The following BRSK2 variants were observed in gnomAD, a reference collection of about 807,000 sequenced individuals.
BRSK2 encodes the protein BR serine/threonine kinase 2.
Under a neutral mutation model 83.3 loss-of-function variants are expected in BRSK2, and 19 were observed. That is an observed-to-expected ratio of 0.23 (90% CI 0.16 to 0.33). The LOEUF is 0.33. Ranked by LOEUF, BRSK2 falls within the 10% of genes least tolerant of loss-of-function variation. The pLI is 1.00. For synonymous variants in BRSK2, 519 were observed against 435.4 expected, an observed-to-expected ratio of 1.19 and a Z score of -2.39; for missense variants, 798 against 1,042.3, an observed-to-expected ratio of 0.77 and a Z score of 3.23.
At position 1,390,747 on chromosome 11, in the gene BRSK2, C is replaced by G. The variant is rs1306312547; in HGVS notation, c.91+372C>G. Reference sequence around the variant, plus strand: ...GGGAGGAGGGGGCCGCGCGGGCGCCCATCTGCCGTCTGCCGCGGCCGCGCT... The same window carrying G: ...GGGAGGAGGGGGCCGCGCGGGCGCCGATCTGCCGTCTGCCGCGGCCGCGCT... On this transcript the variant is annotated intron_variant, in intron 1 of 19. Transcript: ENST00000528841. This position sits in a 1 kb window ranked among gnomAD's most constrained non-coding sequence, Gnocchi z 6.8. Among the ~76,000 whole-genome samples, 1 of 151,662 alleles carries G rather than the reference C, an allele frequency of 6.6e-6. No homozygotes were observed. The highest frequency in any genetic ancestry group is 2.4e-5 in the African/African-American group (1 of 41,362).
chr11:1,456,521 G>C lies in BRSK2; in HGVS notation c.1842G>C (p.Leu614=). ...GCATCTACTCCGTCACCTTCACCCT[G>C]CTCTCAGGTGAGCTGGCGCCCCCAG... The part of the protein sequence containing the change: ...ENGIYSVTFT[L]LSGPSRRFKR... The change falls in exon 17 of 20, where the codon CTG becomes CTC. Residue 614 remains leucine, a synonymous_variant. Transcript: ENST00000528841. The C allele has an allele frequency of 1.3e-6, 2 of 1,587,292 alleles. No homozygotes were observed. Among genetic ancestry groups the C allele is most frequent in the Non-Finnish European group, 1.7e-6 (2 of 1,166,364 alleles).
rs948897777 is a variant in BRSK2 at position 1,454,879 on chromosome 11, C to T, written c.1668+271C>T. ...GGTCCCCAGCAGCCCTAGGTGTGTG[C>T]CGGACAGGCCTGGGCAGCTGGCACG... On this transcript the variant is annotated intron_variant, in intron 16 of 19. Coordinates refer to ENST00000528841, the MANE Select transcript of BRSK2 (RefSeq NM_001256627.2). This position sits in a 1 kb window ranked among gnomAD's most constrained non-coding sequence, Gnocchi z 5.2. Among the ~76,000 whole-genome samples, 2 of 152,184 alleles carry T rather than the reference C, an allele frequency of 1.3e-5. No homozygotes were observed. The highest frequency in any genetic ancestry group is 2.9e-5 in the Non-Finnish European group (2 of 68,024).
rs745955238 is a variant in BRSK2, at chr11:1,450,839, AGAGGCTGCCTTGGG to A, written c.1495+50_1495+63del. The A allele has an allele frequency of 7.1e-5, 109 of 1,528,026 alleles. 1 individual carries two copies. The South Asian group carries it at 1.3e-3, about 18-fold the overall frequency. The allele number at this position is 1,528,026 out of a possible 1,614,324, so 94.7% of individuals were successfully genotyped here. The stretch of plus-strand genomic sequence containing the variant: ...CGCCAGAGTGGGGCTGGGAGAGAGC[AGAGGCTGCCTTGGG>A]GAGGGCCCCGCCCGGCAGTGCCAGA... On this transcript the variant is annotated intron_variant, in intron 14 of 19. Transcript: ENST00000528841.
At chr11:1,448,547 C>T (rs907982209) in intron 12 of BRSK2, among the ~76,000 whole-genome samples, 6 of 152,014 alleles carry the variant, frequency 3.9e-5, no homozygotes, top group Non-Finnish European at 7.4e-5. Context: ...CCCTCCACCC[C>T]GGGGTTTCCA....
At chr11:1,451,252 G>A (rs1021681633) in intron 14 of BRSK2, 119 bp from the exon 15 acceptor site, 8 of 1,156,786 alleles carry the variant, frequency 6.9e-6, no homozygotes, top group Non-Finnish European at 1.0e-5. Context: ...CCCTGGGGGG[G>A]CTGTCCCAGT....
In BRSK2 at chr11:1,442,581, G is replaced by A. The variant is rs752958439; in HGVS notation, c.505G>A (p.Asp169Asn). Residue 169 changes from aspartate (D) to asparagine (N), a missense_variant, in exon 5 of 20, where the codon GAC becomes AAC. By Grantham distance (23) the Asp-to-Asn change is conservative (BLOSUM62 1). Around this residue, in one of 6 missense-constraint regions of BRSK2, gnomAD observed 109 missense variants for 259.2 expected, o/e 0.42. Coordinates refer to ENST00000528841, the MANE Select transcript of BRSK2 (RefSeq NM_001256627.2). ...DFGMASLQVG[D>N]SLLETSCGSP... is the part of the protein sequence containing the mutation. ...TGGCATGGCGTCCCTGCAGGTTGGC[G>A]ACAGCCTGTTGGAGACCAGCTGTGG... 1.1e-5 allele frequency: 18 copies of A among 1,612,594 alleles called. No homozygotes were observed. The highest frequency in any genetic ancestry group is 1.1e-4 in the East Asian group (5 of 44,874).
rs377270833 is a variant in BRSK2, at chr11:1,443,320, C to A, written c.565-15C>A. On this transcript the variant is annotated splice_polypyrimidine_tract_variant and intron_variant, in intron 6 of 19. Coordinates refer to ENST00000528841, the MANE Select transcript of BRSK2 (RefSeq NM_001256627.2). ...GCCCTGCGCCCCCCAACAGCCCGGG[C>A]ACTGCTGTCCACAGGGGGAGAAGTA... 5.0e-6 allele frequency: 8 copies of A among 1,602,298 alleles called. No individual in the cohort carries two copies. Among genetic ancestry groups the A allele is most frequent in the Non-Finnish European group, 6.0e-6 (7 of 1,175,718 alleles).
At chr11:1,419,894 C>G (rs977110127) in intron 1 of BRSK2, among the ~76,000 whole-genome samples, 1 of 152,220 alleles carries the variant, frequency 6.6e-6, no homozygotes, top group Non-Finnish European at 1.5e-5. Context: ...GCCTGGGCGA[C>G]AGAGTCAGAT....
Position 1,454,623 on chromosome 11 carries a change from CG to C in BRSK2, c.1668+16del. 1 of 1,612,032 alleles carries C rather than the reference CG, an allele frequency of 6.2e-7. No homozygotes were observed. Among genetic ancestry groups the C allele is most frequent in the South Asian group, 1.1e-5 (1 of 91,026 alleles). On this transcript the variant is annotated intron_variant, in intron 16 of 19. Transcript: ENST00000528841. This position sits in a 1 kb window ranked among gnomAD's most constrained non-coding sequence, Gnocchi z 5.2. ...CCTTCCTGTCGGTGAGGCCACAGGG[CG>C]CTGGGGGAGGCGGGCAGCCCTCCCA...
intron 1 of BRSK2, among the ~76,000 whole-genome samples, chr11:1,391,457 C>CTT (rs2133997777): frequency 6.6e-6 from 1 of 152,284 alleles, no homozygotes; most frequent in Non-Finnish European, 1.5e-5. Flanking sequence ...AGAAAGTGGG[C>CTT]CAGGCCCAGG....
In BRSK2 at chr11:1,450,578, A is replaced by G; in HGVS notation, c.1288-9A>G. 2 of 1,518,264 alleles carry G rather than the reference A, an allele frequency of 1.3e-6. No homozygotes were observed. The highest frequency in any genetic ancestry group is 2.4e-5 in the East Asian group (1 of 41,242). 94.0% of individuals were successfully genotyped at this position (1,518,264 alleles called of 1,614,324 possible). ...TGAACCAAACACCAAATCTGTCCCC[A>G]CCATACAGGTGACCCCTCACCCCTC... On this transcript the variant is annotated splice_polypyrimidine_tract_variant and intron_variant, in intron 13 of 19. Transcript: ENST00000528841.
Position 1,461,319 on chromosome 11 carries a change from C to T in BRSK2, c.*596C>T, listed in dbSNP as rs1847474413. On this transcript the variant is annotated 3_prime_UTR_variant, in exon 20 of 20. Transcript: ENST00000528841. ...ACCGCCTCCACGCCGCACCTGGAGG[C>T]CTCCTCGCAGGCCCGTGCCCCGCCT... is the stretch of plus-strand genomic sequence containing the variant. 3 of 422,762 alleles carry T rather than the reference C, an allele frequency of 7.1e-6. No individual in the cohort carries two copies. The highest frequency in any genetic ancestry group is 1.3e-5 in the Non-Finnish European group (3 of 236,318). 26.2% of individuals were successfully genotyped at this position (422,762 alleles called of 1,614,324 possible). A position where few individuals can be genotyped will look rare whatever the true frequency, so the allele number is the denominator to read the frequency against.
At chr11:1,418,308 G>C (rs1297463551) in intron 1 of BRSK2, among the ~76,000 whole-genome samples, 2 of 146,780 alleles carry the variant, frequency 1.4e-5, no homozygotes, top group Non-Finnish European at 3.0e-5. Flanking sequence ...CTTCTCTGTT[G>C]GCTGTTTCTT....
chr11:1,449,697 C>T (rs1057342476), intron 12 of BRSK2, 79 bp from the exon 13 acceptor site: 3 of 1,318,470 alleles, frequency 2.3e-6, no homozygotes, highest in Admixed American at 3.8e-5. Flanking sequence ...GGAGGGTTTA[C>T]CTGGGGGGAG....
chr11:1,435,158 G>A (rs1328250592), intron 1 of BRSK2, among the ~76,000 whole-genome samples: 4 of 150,766 alleles, frequency 2.7e-5, no homozygotes, highest in African/African-American at 9.8e-5. Flanking sequence ...CCGTCCTGGT[G>A]TCCTGGGGTG....
intron 19 of BRSK2, among the ~76,000 whole-genome samples, chr11:1,460,028 TTGTCTTTAC>T (rs1428035123): frequency 2.0e-5 from 3 of 151,720 alleles, no homozygotes; most frequent in African/African-American, 7.3e-5. Context: ...CAGCAGGCCC[TTGTCTTTAC>T]GCTGTCATCT....
intron 1 of BRSK2, among the ~76,000 whole-genome samples, chr11:1,433,688 GATT>G (rs1428017637): frequency 2.0e-5 from 3 of 152,260 alleles, no homozygotes; most frequent in Non-Finnish European, 4.4e-5. Flanking sequence ...AGCCGCCCTG[GATT>G]ATGGATGAAG....
In BRSK2 at chr11:1,423,850, G is replaced by A. The variant is rs989686159; in HGVS notation, c.92-12190G>A. On this transcript the variant is annotated intron_variant, in intron 1 of 19. Coordinates refer to ENST00000528841, the MANE Select transcript of BRSK2 (RefSeq NM_001256627.2). The surrounding 1 kb of genome is among the most constrained non-coding windows in gnomAD (Gnocchi z 6.5). The stretch of plus-strand genomic sequence containing the variant: ...CAGGCCTCCCCCGCTGAGTGTTCCC[G>A]GTGCCCCTGGGCCTGCAGAAGTGCT... Among the ~76,000 whole-genome samples the A allele has an allele frequency of 4.6e-5, 7 of 151,442 alleles. No homozygotes were observed. Among genetic ancestry groups the A allele is most frequent in the Admixed American group, 2.6e-4 (4 of 15,224 alleles).
chr11:1,418,113 GT>G (rs1848282936), intron 1 of BRSK2, among the ~76,000 whole-genome samples: 1 of 140,858 alleles, frequency 7.1e-6, no homozygotes, highest in African/African-American at 2.7e-5. Flanking sequence ...TCCTGCTTCT[GT>G]TGGCTGTTTC....
Sources: allele counts gnomAD v4.1 joint callset (sites outside exome capture counted in the v4.1 genomes callset), GRCh38; gene constraint gnomAD v4.1.1; regional missense constraint gnomAD v4.1.1; non-coding constraint Gnocchi (gnomAD v3.1); transcripts MANE v1.5; gene names NCBI Gene and HGNC (gene_info 2026-07-23, HGNC 2026-07-21).